The following PLCB1 variants were observed in gnomAD, a reference collection of about 807,000 sequenced individuals.
PLCB1 encodes the protein phospholipase C beta 1.
Under a neutral mutation model 161.8 loss-of-function variants are expected in PLCB1, and 46 were observed. The observed-to-expected ratio is 0.28, with a 90% CI of 0.22 to 0.36. PLCB1 has a LOEUF of 0.36. PLCB1 is among the 10% of genes least tolerant of loss of function. The probability of loss-of-function intolerance (pLI) is 1.00; values close to 1 mark genes in which losing one functional copy is unlikely to be tolerated. For synonymous variants in PLCB1, 517 were observed against 503.7 expected (o/e 1.03, Z -0.35); for missense variants, 1,016 against 1,472.5 (o/e 0.69, Z 5.07).
At chr20:8,799,404 G>GA (rs1229699508) in intron 31 of PLCB1, among the ~76,000 whole-genome samples, 1 of 152,190 alleles carries the variant, frequency 6.6e-6, no homozygotes, top group African/African-American at 2.4e-5. Flanking sequence ...ACCACGGATG[G>GA]AAAACCTTTT....
At chr20:8,328,217 A>G (rs1366447601) in intron 2 of PLCB1, among the ~76,000 whole-genome samples, 1 of 152,102 alleles carries the variant, frequency 6.6e-6, no homozygotes, top group Non-Finnish European at 1.5e-5. Context: ...CAGATGAGAG[A>G]TGCTCAACCT....
intron 3 of PLCB1, among the ~76,000 whole-genome samples, chr20:8,562,416 T>G (rs948635904): frequency 5.3e-5 from 8 of 152,084 alleles, no homozygotes; most frequent in Non-Finnish European, 1.0e-4. Flanking sequence ...AAGGCAAAAA[T>G]GTGCCTGGGG....
intron 7 of PLCB1, among the ~76,000 whole-genome samples, chr20:8,654,453 A>T (rs1466025812): frequency 1.3e-5 from 2 of 152,112 alleles, no homozygotes; most frequent in African/African-American, 4.8e-5. Context: ...AACACTGATT[A>T]GGTATCTATT....
At chr20:8,410,805 G>T (rs1028114543) in intron 3 of PLCB1, among the ~76,000 whole-genome samples, 1 of 152,126 alleles carries the variant, frequency 6.6e-6, no homozygotes, top group African/African-American at 2.4e-5. Context: ...AATTACCCAG[G>T]TGTGTCCTAA....
At chr20:8,724,197 G>C (rs555745787) in intron 15 of PLCB1, among the ~76,000 whole-genome samples, 1 of 148,394 alleles carries the variant, frequency 6.7e-6, no homozygotes, top group East Asian at 2.0e-4. Flanking sequence ...AAACCTGCAC[G>C]TGTAGCCCTG....
intron 2 of PLCB1, among the ~76,000 whole-genome samples, chr20:8,328,804 G>T (rs1418505546): frequency 1.3e-5 from 2 of 152,140 alleles, no homozygotes; most frequent in Non-Finnish European, 2.9e-5. Context: ...ACTCCCTGGG[G>T]TGAGGATTGT....
chr20:8,322,276 G>T (rs1418216390), intron 2 of PLCB1, among the ~76,000 whole-genome samples: 1 of 152,000 alleles, frequency 6.6e-6, no homozygotes, highest in Non-Finnish European at 1.5e-5. Context: ...CTTTATAGAA[G>T]ACATCTACCA....
intron 18 of PLCB1, among the ~76,000 whole-genome samples, chr20:8,731,016 C>G (rs1980213689): frequency 6.6e-6 from 1 of 151,780 alleles, no homozygotes; most frequent in Non-Finnish European, 1.5e-5. Flanking sequence ...ATTTCTCCAC[C>G]TGCCTTATTT....
chr20:8,729,802 C>A (rs919388310), intron 18 of PLCB1: 3 of 151,800 alleles, frequency 2.0e-5, no homozygotes, highest in Admixed American at 1.3e-4. Context: ...AGTTTAAGTA[C>A]CTTTATGAAT....
intron 12 of PLCB1, among the ~76,000 whole-genome samples, chr20:8,713,321 T>C (rs1786728220): frequency 6.6e-6 from 1 of 152,182 alleles, no homozygotes; most frequent in Admixed American, 6.5e-5. Flanking sequence ...TAGCTGGTAT[T>C]ACAGGCACGC....
chr20:8,336,135 G>C (rs1171019957), intron 2 of PLCB1, among the ~76,000 whole-genome samples: 1 of 152,022 alleles, frequency 6.6e-6, no homozygotes, highest in Admixed American at 6.6e-5. Context: ...TGAATTCTGC[G>C]GTCAACAGAA....
intron 3 of PLCB1, among the ~76,000 whole-genome samples, chr20:8,389,722 T>C (rs1232779): frequency 0.38 from 58,016 of 151,988 alleles, 12,001 homozygotes; most frequent in African/African-American, 0.54. Context: ...TTCTACATAG[T>C]GAACTGCTCT....
At chr20:8,154,097 A>G (rs2051536180) in intron 2 of PLCB1, among the ~76,000 whole-genome samples, 1 of 152,128 alleles carries the variant, frequency 6.6e-6, no homozygotes, top group South Asian at 2.1e-4. Context: ...TAACTATGGA[A>G]ATATTTCATT....
chr20:8,220,946 A>G (rs1375022672), intron 2 of PLCB1, among the ~76,000 whole-genome samples: 1 of 152,184 alleles, frequency 6.6e-6, no homozygotes, highest in East Asian at 1.9e-4. Context: ...CCTAAGGTTT[A>G]AAAGTACTGG....
chr20:8,373,269 T>G (rs1986962112), intron 3 of PLCB1, among the ~76,000 whole-genome samples: 1 of 152,184 alleles, frequency 6.6e-6, no homozygotes, highest in Non-Finnish European at 1.5e-5. Flanking sequence ...TATTTATTGC[T>G]GATGTTCAAG....
In PLCB1 at chr20:8,760,456, A is replaced by C. The variant is rs1319493751; in HGVS notation, c.2706A>C (p.Leu902Phe). ...CAGAAGATCTTATTCAGAGTGTCTT[A>C]ACAGGTAAATGCCACCCTTTCCCCC... ...AKTEDLIQSV[L>F]TEVEAQTIEE... Residue 902 changes from leucine (L) to phenylalanine (F), a missense_variant, in exon 25 of 32, where the codon TTA (leucine) becomes TTC (phenylalanine). Leu to Phe is a conservative substitution (Grantham distance 22). Coordinates refer to ENST00000338037, the MANE Select transcript of PLCB1 (RefSeq NM_015192.4). 2.5e-6 allele frequency: 4 copies of C among 1,609,542 alleles called. No homozygotes were observed. The highest frequency in any genetic ancestry group is 2.2e-5 in the South Asian group (2 of 90,882).
At chr20:8,242,142 T>G (rs2123206100) in intron 2 of PLCB1, among the ~76,000 whole-genome samples, 1 of 152,122 alleles carries the variant, frequency 6.6e-6, no homozygotes, top group East Asian at 1.9e-4. Context: ...TCCCTTGACC[T>G]TCCTGCTACA....
chr20:8,311,847 T>G (rs974977339), intron 2 of PLCB1, among the ~76,000 whole-genome samples: 2 of 152,162 alleles, frequency 1.3e-5, no homozygotes, highest in Non-Finnish European at 2.9e-5. Context: ...TATTCCACAA[T>G]TGACAAAAAC....
At chr20:8,410,454 T>C (rs1318657456) in intron 3 of PLCB1, among the ~76,000 whole-genome samples, 1 of 152,164 alleles carries the variant, frequency 6.6e-6, no homozygotes, top group Non-Finnish European at 1.5e-5. Context: ...TTTATGTCTT[T>C]CTAGTGAGTG....
Sources: gnomAD v4.1 joint callset for allele counts (sites outside exome capture counted in the v4.1 genomes callset) on GRCh38, gnomAD v4.1.1 for gene constraint, MANE v1.5 for transcripts, NCBI Gene and HGNC (gene_info 2026-07-23, HGNC 2026-07-21) for gene names.